The following DCBLD2 variants were observed in gnomAD, a reference collection of about 807,000 sequenced individuals.
DCBLD2 encodes discoidin, CUB and LCCL domain-containing protein 2.
Under a neutral mutation model 86.8 loss-of-function variants are expected in DCBLD2, and 54 were observed. The ratio of observed to expected loss-of-function variants is 0.62; its 90% CI spans 0.50 to 0.78. DCBLD2 has a LOEUF of 0.78. Among genes scored for constraint, DCBLD2 ranks in the 30% least tolerant of loss-of-function variants. DCBLD2 has a pLI of 0.00. For missense variants in DCBLD2, 908 were observed against 954.2 expected, an observed-to-expected ratio of 0.95 and a Z score of 0.64; for synonymous variants, 354 against 341.3, an observed-to-expected ratio of 1.04 and a Z score of -0.41.
chr3:98,798,419 G>C lies in DCBLD2; in HGVS notation c.*953C>G, dbSNP rs1257475548. On this transcript the variant is annotated 3_prime_UTR_variant, in exon 16 of 16. Transcript: ENST00000326840. The stretch of plus-strand genomic sequence containing the variant: ...ATATTACTTCTGAGTGAATAATTTT[G>C]CCTTTCACTGTGATAAATATAAGTG... 2.0e-5 allele frequency: 3 copies of C among 152,104 alleles called. No individual in the cohort carries two copies. Among genetic ancestry groups the C allele is most frequent in the Non-Finnish European group, 4.4e-5 (3 of 68,020 alleles). 9.4% of individuals were successfully genotyped at this position (152,104 alleles called of 1,614,324 possible). A position where few individuals can be genotyped will look rare whatever the true frequency, so the allele number is the denominator to read the frequency against.
intron 3 of DCBLD2, among the ~76,000 whole-genome samples, chr3:98,830,311 C>G (rs1221766363): frequency 6.6e-6 from 1 of 152,188 alleles, no homozygotes; most frequent in Admixed American, 6.6e-5. Context: ...AAATCTTTGA[C>G]AGTTCCTATG....
chr3:98,855,891 T>C (rs1023015987), intron 2 of DCBLD2, among the ~76,000 whole-genome samples: 1 of 152,330 alleles, frequency 6.6e-6, no homozygotes, highest in African/African-American at 2.4e-5. Flanking sequence ...CTTCACATTC[T>C]ATTTCTTAAT....
chr3:98,860,366 A>T lies in DCBLD2; in HGVS notation c.434-10768T>A, dbSNP rs147090757. Reference sequence around the variant, plus strand: ...AGGCCAACACTCAAATTCAGGAAATACAGAGAATGCCACAAAGATACTCCT... The same window carrying T: ...AGGCCAACACTCAAATTCAGGAAATTCAGAGAATGCCACAAAGATACTCCT... On this transcript the variant is annotated intron_variant, in intron 2 of 15. Coordinates refer to ENST00000326840, the MANE Select transcript of DCBLD2 (RefSeq NM_080927.4). 7.0e-3 allele frequency among the ~76,000 whole-genome samples: 1,067 copies of T among 152,316 alleles called. 8 individuals carry two copies. The highest frequency in any genetic ancestry group is 0.019 in the African/African-American group (797 of 41,568).
chr3:98,816,289 AC>A (rs1439340675), intron 9 of DCBLD2: 2 of 151,828 alleles, frequency 1.3e-5, no homozygotes, highest in African/African-American at 4.8e-5. Flanking sequence ...AGATTTCTAC[AC>A]TTAGAGAAAT....
rs114832457 is a variant in DCBLD2 at position 98,827,811 on chromosome 3, A to G, written c.572-2445T>C. On this transcript the variant is annotated intron_variant, in intron 3 of 15. Coordinates refer to ENST00000326840, the MANE Select transcript of DCBLD2 (RefSeq NM_080927.4). ...GTCATTACTACAATGCTCCCAGCTA[A>G]TAAGAACACAGCCTAGCTCCAGAAA... Among the ~76,000 whole-genome samples the G allele has an allele frequency of 9.7e-3, 1,483 of 152,354 alleles. 23 individuals are homozygous for G. Among genetic ancestry groups the G allele is most frequent in the African/African-American group, 0.031 (1,277 of 41,590 alleles).
chr3:98,867,110 C>G (rs1459316999), intron 2 of DCBLD2, among the ~76,000 whole-genome samples: 1 of 152,126 alleles, frequency 6.6e-6, no homozygotes, highest in East Asian at 1.9e-4. Context: ...GTTACTGTAG[C>G]CTTGTAGTAT....
chr3:98,843,135 C>T (rs943734999), intron 3 of DCBLD2, among the ~76,000 whole-genome samples: 2 of 152,026 alleles, frequency 1.3e-5, no homozygotes, highest in Non-Finnish European at 2.9e-5. Flanking sequence ...ACACTTTGTT[C>T]GTCAGCACCT....
At chr3:98,841,100 A>T (rs577639449) in intron 3 of DCBLD2, among the ~76,000 whole-genome samples, 13 of 152,222 alleles carry the variant, frequency 8.5e-5, no homozygotes, top group African/African-American at 3.1e-4. Context: ...ATCTATAAAA[A>T]GAGTTTCTAT....
chr3:98,896,358 C>G (rs911625611), intron 1 of DCBLD2, among the ~76,000 whole-genome samples: 2 of 152,138 alleles, frequency 1.3e-5, no homozygotes, highest in African/African-American at 2.4e-5. Context: ...AATACTTTCT[C>G]AAAGATTTTT....
At chr3:98,849,280 C>T (rs1242362868) in intron 3 of DCBLD2, 181 bp downstream of exon 3, 2 of 693,646 alleles carry the variant, frequency 2.9e-6, no homozygotes, top group African/African-American at 1.8e-5. Flanking sequence ...CGTTTATGTA[C>T]TTTTATTTTT....
chr3:98,853,411 C>T (rs1942875403), intron 2 of DCBLD2, among the ~76,000 whole-genome samples: 1 of 152,220 alleles, frequency 6.6e-6, no homozygotes, highest in Non-Finnish European at 1.5e-5. Context: ...AAGTCACACT[C>T]CAGTTTGCCA....
rs1183956873 is a variant in DCBLD2 at position 98,822,719 on chromosome 3, G to C, written c.646C>G (p.Leu216Val). The C allele has an allele frequency of 6.3e-7, 1 of 1,598,302 alleles. No individual in the cohort carries two copies. Among genetic ancestry groups the C allele is most frequent in the Admixed American group, 1.7e-5 (1 of 57,896 alleles). ...EFSKYCPAGC[L>V]LPFAEISGTI... The stretch of plus-strand genomic sequence containing the variant: ...CCAGATATCTCAGCAAAAGGAAGCA[G>C]ACAACCAGCTGGGCAGTACTTACTG... Residue 216 changes from leucine (L) to valine (V), a missense_variant, in exon 5 of 16, where the codon CTG becomes GTG. Around this residue, in one of 3 missense-constraint regions of DCBLD2, gnomAD observed 8 missense variants for 19.8 expected, o/e 0.40. Coordinates refer to ENST00000326840, the MANE Select transcript of DCBLD2 (RefSeq NM_080927.4).
At chr3:98,818,295 C>G (rs912532722) in intron 8 of DCBLD2, among the ~76,000 whole-genome samples, 20 of 152,276 alleles carry the variant, frequency 1.3e-4, no homozygotes, top group African/African-American at 3.9e-4. Context: ...CGACCATTTG[C>G]TAAGTTCCCC....
chr3:98,813,165 T>C (rs1438680191), intron 9 of DCBLD2: 2 of 152,298 alleles, frequency 1.3e-5, no homozygotes, highest in African/African-American at 4.8e-5. Context: ...CATAGCACAA[T>C]ACAGCCTAGA....
chr3:98,814,501 A>G (rs1436732646), intron 9 of DCBLD2: 3 of 152,196 alleles, frequency 2.0e-5, no homozygotes, highest in African/African-American at 7.2e-5. Context: ...GAGAAAATGG[A>G]TATGGTTGCT....
chr3:98,809,020 CAT>C (rs151180679), intron 12 of DCBLD2, among the ~76,000 whole-genome samples: 1 of 150,860 alleles, frequency 6.6e-6, no homozygotes, highest in African/African-American at 2.4e-5. Context: ...GCAAAACATT[CAT>C]ATATATATAT....
At chr3:98,873,734 A>T (rs904629264) in intron 2 of DCBLD2, among the ~76,000 whole-genome samples, 10 of 152,138 alleles carry the variant, frequency 6.6e-5, no homozygotes, top group African/African-American at 2.4e-4. Context: ...AAAAAATTTT[A>T]AATCATGAAA....
chr3:98,801,279 T>C (rs888475529), intron 14 of DCBLD2: 6 of 321,002 alleles, frequency 1.9e-5, no homozygotes, highest in Non-Finnish European at 3.4e-5. Context: ...CAGTCTTTTG[T>C]TTCTTACTCA....
intron 2 of DCBLD2, among the ~76,000 whole-genome samples, chr3:98,869,256 G>C (rs1162510735): frequency 6.6e-6 from 1 of 152,100 alleles, no homozygotes; most frequent in East Asian, 1.9e-4. Flanking sequence ...ATCTTCTTTT[G>C]AGAAATGTCT....
Sources: gnomAD v4.1 joint callset for allele counts (sites outside exome capture counted in the v4.1 genomes callset) on GRCh38, gnomAD v4.1.1 for gene constraint, gnomAD v4.1.1 regional missense constraint, MANE v1.5 for transcripts, NCBI Gene and HGNC (gene_info 2026-07-23, HGNC 2026-07-21) for gene names.